The following PRKCH variants were observed in gnomAD, a reference collection of about 807,000 sequenced individuals.
PRKCH encodes protein kinase C eta, also known as protein kinase C eta type.
PRKCH carries 28 observed loss-of-function variants against 82.5 expected under a neutral mutation model. The ratio of observed to expected loss-of-function variants is 0.34; its 90% CI spans 0.25 to 0.47. The LOEUF is 0.47. Among genes scored for constraint, PRKCH ranks in the 20% least tolerant of loss-of-function variants. PRKCH has a pLI of 1.00. For missense variants in PRKCH, 705 were observed against 881.8 expected (o/e 0.80, Z 2.54); for synonymous variants, 322 against 327.4 (o/e 0.98, Z 0.18).
intron 7 of PRKCH, among the ~76,000 whole-genome samples, chr14:61,455,632 T>A (rs569449473): frequency 1.3e-5 from 2 of 152,326 alleles, no homozygotes; most frequent in Admixed American, 1.3e-4. Flanking sequence ...GCTTCTGAGA[T>A]ACAATGGGAA....
chr14:61,470,590 C>G (rs1224944208), intron 9 of PRKCH, among the ~76,000 whole-genome samples: 3 of 152,138 alleles, frequency 2.0e-5, no homozygotes, highest in Non-Finnish European at 4.4e-5. Flanking sequence ...TGGGGCCACC[C>G]AGGGAGTTCC....
chr14:61,503,293 G>GTTTTTT (rs779965799), intron 10 of PRKCH, among the ~76,000 whole-genome samples: 1 of 138,212 alleles, frequency 7.2e-6, no homozygotes, highest in Admixed American at 7.3e-5. Context: ...TGTGTTAGTG[G>GTTTTTT]TTTTTTTTTT....
At chr14:61,324,352 T>G (rs1310726478) in intron 1 of PRKCH, among the ~76,000 whole-genome samples, 2 of 152,324 alleles carry the variant, frequency 1.3e-5, no homozygotes, top group African/African-American at 4.8e-5. Context: ...ACTGGTGGTG[T>G]TTTGGAAAAC....
At chr14:61,408,624 G>A (rs1196535084) in intron 2 of PRKCH, among the ~76,000 whole-genome samples, 1 of 152,094 alleles carries the variant, frequency 6.6e-6, no homozygotes, top group African/African-American at 2.4e-5. Context: ...TGCTGCAAAG[G>A]TTACATGAGC....
chr14:61,533,023 C>G (rs1317532703), intron 12 of PRKCH, among the ~76,000 whole-genome samples: 1 of 152,200 alleles, frequency 6.6e-6, no homozygotes, highest in African/African-American at 2.4e-5. Flanking sequence ...AGCAGGGGCT[C>G]TGGGCTCACA....
intron 4 of PRKCH, among the ~76,000 whole-genome samples, chr14:61,448,690 G>A (rs1594717773): frequency 6.6e-6 from 1 of 152,140 alleles, no homozygotes; most frequent in Non-Finnish European, 1.5e-5. Context: ...GAGAGAAAAG[G>A]GCATCGATAG....
rs538858719 is a variant in PRKCH at position 61,468,976 on chromosome 14, C to A, written c.1278+11297C>A. ...GCTTCAGTAGGGCCCTGTATTGAAA[C>A]ACCAAGTGCCAGGACTGCTCAAAAG... is the stretch of plus-strand genomic sequence containing the variant. On this transcript the variant is annotated intron_variant, in intron 9 of 13. Coordinates refer to ENST00000332981, the MANE Select transcript of PRKCH (RefSeq NM_006255.5). 2.0e-5 allele frequency among the ~76,000 whole-genome samples: 3 copies of A among 152,292 alleles called. No homozygotes were observed. The East Asian group carries it at 5.8e-4, about 29-fold the overall frequency.
chr14:61,316,971 G>A (rs959729139), upstream of PRKCH, among the ~76,000 whole-genome samples: 1 of 152,204 alleles, frequency 6.6e-6, no homozygotes, highest in Non-Finnish European at 1.5e-5. Flanking sequence ...AAAAGTGCTT[G>A]AGCCAGATGG....
chr14:61,196,545 A>G (rs1428165446), intron 1 of PRKCH, among the ~76,000 whole-genome samples: 1 of 152,230 alleles, frequency 6.6e-6, no homozygotes, highest in East Asian at 1.9e-4. Flanking sequence ...ACAGTAGCAG[A>G]TTACATTAAA....
At chr14:61,535,331 C>A (rs2043093568) in intron 12 of PRKCH, among the ~76,000 whole-genome samples, 1 of 152,070 alleles carries the variant, frequency 6.6e-6, no homozygotes, top group Admixed American at 6.5e-5. Flanking sequence ...TAAACATTAA[C>A]TATATACTTA....
At chr14:61,369,153 G>C (rs1003494597) in intron 1 of PRKCH, among the ~76,000 whole-genome samples, 1 of 152,144 alleles carries the variant, frequency 6.6e-6, no homozygotes, top group Non-Finnish European at 1.5e-5. Flanking sequence ...TTCAGTGGAT[G>C]CTGTGTGAAG....
chr14:61,338,771 A>G (rs755890904), intron 1 of PRKCH, among the ~76,000 whole-genome samples: 4 of 152,158 alleles, frequency 2.6e-5, no homozygotes, highest in Non-Finnish European at 5.9e-5. Flanking sequence ...AAGTTGCCTC[A>G]TTAGAACTCC....
intron 10 of PRKCH, among the ~76,000 whole-genome samples, chr14:61,498,081 C>T (rs759090386): frequency 3.0e-4 from 45 of 152,112 alleles, no homozygotes; most frequent in Non-Finnish European, 6.2e-4. Context: ...GTGGCTTGAT[C>T]TCAGCTCACT....
intron 1 of PRKCH, among the ~76,000 whole-genome samples, chr14:61,203,519 G>A (rs1228273705): frequency 2.6e-5 from 4 of 152,080 alleles, no homozygotes; most frequent in African/African-American, 4.8e-5. Flanking sequence ...ATTGCAGAGC[G>A]ATTATGAACA....
chr14:61,484,202 G>T (rs553369020), intron 9 of PRKCH, among the ~76,000 whole-genome samples: 1 of 151,298 alleles, frequency 6.6e-6, no homozygotes, highest in African/African-American at 2.4e-5. Context: ...CAGAGACGTC[G>T]CCTGACCCCC....
intron 1 of PRKCH, among the ~76,000 whole-genome samples, chr14:61,326,656 G>A (rs1392879195): frequency 6.6e-6 from 1 of 152,240 alleles, no homozygotes; most frequent in Non-Finnish European, 1.5e-5. Context: ...AAGGTGTTAA[G>A]TAAGATGCTA....
At chr14:61,397,181 G>A (rs1228382148) in intron 2 of PRKCH, among the ~76,000 whole-genome samples, 1 of 152,148 alleles carries the variant, frequency 6.6e-6, no homozygotes, top group Non-Finnish European at 1.5e-5. Context: ...TTTGAGAGAT[G>A]TCTGTGTAGT....
In PRKCH at chr14:61,533,697, A is replaced by G. The variant is rs1282109977; in HGVS notation, c.1761+3102A>G. ...TTCCATGCCTCAGCAGGTGGGGTGT[A>G]CAACCCACAGGGCTACTGCGTGGTT... On this transcript the variant is annotated intron_variant, in intron 12 of 13. Transcript: ENST00000332981. Among the ~76,000 whole-genome samples, 4 of 152,346 alleles carry G rather than the reference A, an allele frequency of 2.6e-5. No individual in the cohort carries two copies. In the East Asian group the frequency reaches 7.7e-4, roughly 29 times the overall value.
chr14:61,402,177 A>C (rs1881659437), intron 2 of PRKCH, among the ~76,000 whole-genome samples: 1 of 152,236 alleles, frequency 6.6e-6, no homozygotes, highest in Non-Finnish European at 1.5e-5. Flanking sequence ...ACTTCCAATG[A>C]TTCAGTGAAC....
Sources: gnomAD v4.1 joint callset for allele counts (sites outside exome capture counted in the v4.1 genomes callset) on GRCh38, gnomAD v4.1.1 for gene constraint, MANE v1.5 for transcripts, NCBI Gene and HGNC (gene_info 2026-07-23, HGNC 2026-07-21) for gene names.